Variants in BTG4 observed in about 807,000 individuals in gnomAD.
BTG4 encodes the protein BTG anti-proliferation factor 4.
BTG4 carries 10 observed loss-of-function variants against 19.3 expected under a neutral mutation model. The observed-to-expected ratio is 0.52, with a 90% CI of 0.32 to 0.88. The LOEUF is 0.88. BTG4 is among the 40% of genes least tolerant of loss of function. BTG4 has a pLI of 0.04. For missense variants in BTG4, 238 were observed against 281.9 expected (o/e 0.84, Z 1.11); for synonymous variants, 91 against 95.7 (o/e 0.95, Z 0.29).
downstream of BTG4, among the ~76,000 whole-genome samples, chr11:111,491,747 A>G (rs1865430585): frequency 5.3e-5 from 8 of 150,548 alleles, no homozygotes; most frequent in East Asian, 3.9e-4. Context: ...AAAAAAAAAA[A>G]AAAGAAAGAA....
the BTG4 span, among the ~76,000 whole-genome samples, chr11:111,445,870 C>G: frequency 1.3e-5 from 2 of 152,180 alleles, no homozygotes; most frequent in Admixed American, 6.5e-5. Flanking sequence ...AGGATCCCTT[C>G]CAGCTCTACT....
In BTG4 at chr11:111,495,027, A is replaced by G. The variant is rs906765315; in HGVS notation, c.*108T>C. ...ACCATTGTGTACCCTAGTCCCTAATATGGTCATTTTTTGTTTCATGGGCCT... is the reference window on the plus strand; with the variant it reads ...ACCATTGTGTACCCTAGTCCCTAATGTGGTCATTTTTTGTTTCATGGGCCT... On this transcript the variant is annotated 3_prime_UTR_variant, in exon 5 of 5. Transcript: ENST00000692032. The G allele has an allele frequency of 7.4e-7, 1 of 1,360,464 alleles. No homozygotes were observed. Among genetic ancestry groups the G allele is most frequent in the African/African-American group, 1.5e-5 (1 of 66,960 alleles). The allele number at this position is 1,360,464 out of a possible 1,614,324, so 84.3% of individuals were successfully genotyped here.
chr11:111,455,962 T>C, the BTG4 span: 1 of 360,884 alleles, frequency 2.8e-6, no homozygotes, highest in Non-Finnish European at 5.9e-6. Flanking sequence ...AAACTCCAGT[T>C]CCACCCCCAG....
At chr11:111,459,698 G>C in the BTG4 span, 3 of 152,614 alleles carry the variant, frequency 2.0e-5, no homozygotes, top group African/African-American at 7.2e-5. Context: ...CTGAGGGCTC[G>C]GGGCTCATGG....
chr11:111,498,597 C>T lies in BTG4; in HGVS notation c.173+7G>A, dbSNP rs750717782. Reference sequence around the variant, plus strand: ...TTCCCTTTGCCATCCCACATACTAGCTCTCACCTGAAGGCTTGCCCTTTAG... The same window carrying T: ...TTCCCTTTGCCATCCCACATACTAGTTCTCACCTGAAGGCTTGCCCTTTAG... On this transcript the variant is annotated splice_region_variant and intron_variant, in intron 2 of 4. Coordinates refer to ENST00000692032, the MANE Select transcript of BTG4 (RefSeq NM_001367975.1). 3.7e-6 allele frequency: 6 copies of T among 1,610,104 alleles called. No homozygotes were observed. Among genetic ancestry groups the T allele is most frequent in the Non-Finnish European group, 5.1e-6 (6 of 1,178,832 alleles).
chr11:111,430,110 CA>C, the BTG4 span, among the ~76,000 whole-genome samples: 1 of 152,164 alleles, frequency 6.6e-6, no homozygotes, highest in African/African-American at 2.4e-5. Context: ...AGGTCACAGT[CA>C]ATTCAGAAAG....
chr11:111,476,135 T>TACACACACACACAC (rs55989357), intron 5 of BTG4, among the ~76,000 whole-genome samples: 23 of 148,848 alleles, frequency 1.5e-4, no homozygotes, highest in African/African-American at 4.0e-4. Flanking sequence ...CCAGAATAGA[T>TACACACACACACAC]ACACACACAC....
chr11:111,426,041 A>G, the BTG4 span, among the ~76,000 whole-genome samples: 5 of 152,146 alleles, frequency 3.3e-5, no homozygotes, highest in South Asian at 1.0e-3. Flanking sequence ...AAAGAAAGAA[A>G]AAAAAGGAGA....
At chr11:111,465,108 C>G (rs1863645024), downstream of BTG4, among the ~76,000 whole-genome samples, 1 of 152,212 alleles carries the variant, frequency 6.6e-6, no homozygotes, top group Non-Finnish European at 1.5e-5. Context: ...ACCAATACCA[C>G]TCCTTGGAAT....
At chr11:111,405,821 T>C in the BTG4 span, among the ~76,000 whole-genome samples, 1 of 152,198 alleles carries the variant, frequency 6.6e-6, no homozygotes, top group Non-Finnish European at 1.5e-5. Context: ...GTGCCTTAGT[T>C]TTTTCACTTG....
At chr11:111,384,964 C>G in the BTG4 span, 1 of 152,010 alleles carries the variant, frequency 6.6e-6, no homozygotes, top group Non-Finnish European at 1.5e-5. Context: ...ATATAGCTAT[C>G]AATAAATTTA....
At chr11:111,496,289 T>G (rs1332782536) in intron 4 of BTG4, among the ~76,000 whole-genome samples, 1 of 152,180 alleles carries the variant, frequency 6.6e-6, no homozygotes, top group African/African-American at 2.4e-5. Flanking sequence ...CTGGTGAGAC[T>G]ACAAATAAAT....
chr11:111,430,674 C>T, the BTG4 span, among the ~76,000 whole-genome samples: 1 of 152,184 alleles, frequency 6.6e-6, no homozygotes, highest in Non-Finnish European at 1.5e-5. Flanking sequence ...GATTTATTTT[C>T]CTGTGTCAAA....
At chr11:111,408,208 G>A in the BTG4 span, among the ~76,000 whole-genome samples, 1 of 152,330 alleles carries the variant, frequency 6.6e-6, no homozygotes, top group African/African-American at 2.4e-5. Flanking sequence ...ACTTGATGGG[G>A]CAGGAGAAGC....
At chr11:111,436,899 G>A in the BTG4 span, among the ~76,000 whole-genome samples, 1 of 152,158 alleles carries the variant, frequency 6.6e-6, no homozygotes, top group Non-Finnish European at 1.5e-5. Flanking sequence ...CCGGCAGATG[G>A]CAGACAGCAT....
chr11:111,420,843 A>G, the BTG4 span, among the ~76,000 whole-genome samples: 1 of 152,262 alleles, frequency 6.6e-6, no homozygotes, highest in Non-Finnish European at 1.5e-5. Flanking sequence ...ATTCTAGCAG[A>G]GAAAAATGAA....
chr11:111,433,876 T>C, the BTG4 span, among the ~76,000 whole-genome samples: 1 of 152,106 alleles, frequency 6.6e-6, no homozygotes, highest in African/African-American at 2.4e-5. Context: ...GTTAGAATGG[T>C]GATCATTAAA....
chr11:111,459,225 G>A, the BTG4 span, among the ~76,000 whole-genome samples: 1 of 151,226 alleles, frequency 6.6e-6, no homozygotes. Context: ...CTGGGTGACG[G>A]TGAGATTCCG....
chr11:111,475,386 T>C (rs1036599383), intron 5 of BTG4: 3 of 152,078 alleles, frequency 2.0e-5, no homozygotes, highest in African/African-American at 7.2e-5. Flanking sequence ...GACTAAAACT[T>C]TCTGGGAATG....
Sources: gnomAD v4.1 joint callset for allele counts (sites outside exome capture counted in the v4.1 genomes callset) on GRCh38, gnomAD v4.1.1 for gene constraint, MANE v1.5 for transcripts, NCBI Gene and HGNC (gene_info 2026-07-23, HGNC 2026-07-21) for gene names.